Variants in LIMCH1 observed in about 807,000 individuals in gnomAD.
LIMCH1 encodes LIM and calponin homology domains-containing protein 1.
A neutral mutation model predicts 176.5 loss-of-function variants in LIMCH1; 113 were observed. The observed-to-expected ratio is 0.64, with a 90% CI of 0.55 to 0.75. LIMCH1 has a LOEUF of 0.75. LIMCH1 is among the 30% of genes least tolerant of loss of function. LIMCH1 has a pLI of 0.00. For missense variants in LIMCH1, 1,674 were observed against 1,814.9 expected (o/e 0.92, Z 1.41); for synonymous variants, 619 against 645.9 (o/e 0.96, Z 0.63).
At chr4:41,685,486 C>A (rs999209775) in intron 27 of LIMCH1, among the ~76,000 whole-genome samples, 1 of 152,154 alleles carries the variant, frequency 6.6e-6, no homozygotes. Flanking sequence ...TTTATGACAT[C>A]AGAAATCAGC....
chr4:41,568,060 G>A (rs1435475195), intron 1 of LIMCH1, among the ~76,000 whole-genome samples: 5 of 152,292 alleles, frequency 3.3e-5, no homozygotes, highest in African/African-American at 1.2e-4. Context: ...GCCTGAGGCA[G>A]GAGAATCTCT....
chr4:41,682,678 CTT>C (rs397975995), intron 26 of LIMCH1, among the ~76,000 whole-genome samples: 36 of 138,968 alleles, frequency 2.6e-4, no homozygotes, highest in Admixed American at 2.9e-4. Flanking sequence ...TCTTCTTCTT[CTT>C]TTTTTTTTTT....
chr4:41,555,166 G>A (rs1384624382), intron 1 of LIMCH1, among the ~76,000 whole-genome samples: 1 of 152,188 alleles, frequency 6.6e-6, no homozygotes, highest in Non-Finnish European at 1.5e-5. Flanking sequence ...CAAAAAGCAG[G>A]TTTCTGTTGA....
In LIMCH1 at chr4:41,612,333, A is replaced by G. The variant is rs920508497; in HGVS notation, c.10-1133A>G. On this transcript the variant is annotated intron_variant, in intron 4 of 31. Coordinates refer to ENST00000503057, the MANE Select transcript of LIMCH1 (RefSeq NM_001330672.2). ...CCAGTTTCCAAAACTGCTAACATGA[A>G]GAATATTTATTTTTCCTTTCTATTG... The G allele has an allele frequency of 5.5e-6, 3 of 549,438 alleles. No individual in the cohort carries two copies. In the African/African-American group the frequency reaches 5.7e-5, roughly 10 times the overall value. 34.0% of individuals were successfully genotyped at this position (549,438 alleles called of 1,614,324 possible).
chr4:41,629,403 G>C, intron 8 of LIMCH1, 89 bp from the exon 9 acceptor site: 1 of 1,433,294 alleles, frequency 7.0e-7, no homozygotes. Context: ...CTCAGCCTGT[G>C]AGTTTCCATG....
intron 1 of LIMCH1, among the ~76,000 whole-genome samples, chr4:41,579,438 G>A (rs980364810): frequency 2.6e-5 from 4 of 152,158 alleles, no homozygotes; most frequent in African/African-American, 4.8e-5. Context: ...ATGAGATGGG[G>A]GAATCATTTG....
chr4:41,536,641 C>A (rs2077978680), upstream of LIMCH1, among the ~76,000 whole-genome samples: 1 of 152,084 alleles, frequency 6.6e-6, no homozygotes, highest in African/African-American at 2.4e-5. Context: ...TCACAAAAAC[C>A]TATATCCCCA....
At chr4:41,576,111 A>AC (rs1256249623) in intron 1 of LIMCH1, among the ~76,000 whole-genome samples, 1 of 152,114 alleles carries the variant, frequency 6.6e-6, no homozygotes, top group Non-Finnish European at 1.5e-5. Flanking sequence ...TTGTTAGTTC[A>AC]CCGTCTGCAT....
At chr4:41,494,731 A>T (rs2071761940) in intron 2 of LIMCH1, 2 of 646,922 alleles carry the variant, frequency 3.1e-6, no homozygotes, top group South Asian at 2.1e-5. Context: ...AACTCAAAAA[A>T]TCCCTGGGCT....
chr4:41,509,270 C>A (rs1204709787), intron 2 of LIMCH1, among the ~76,000 whole-genome samples: 1 of 152,146 alleles, frequency 6.6e-6, no homozygotes, highest in African/African-American at 2.4e-5. Flanking sequence ...CTCAGAGCAA[C>A]CCCAGTGAAC....
At chr4:41,494,262 C>T (rs909894186) in intron 1 of LIMCH1, among the ~76,000 whole-genome samples, 19 of 149,732 alleles carry the variant, frequency 1.3e-4, no homozygotes, top group African/African-American at 4.7e-4. Context: ...GGAATGCCAC[C>T]CGTTTTTTTC....
Position 41,613,515 on chromosome 4 carries a change from A to G in LIMCH1, c.59A>G (p.Tyr20Cys). ...AAACGCAGTATCCGAGACAGTGGCT[A>G]CATCGACTGCTGGGATTCCGAGCGC... ...SPKRSIRDSG[Y>C]IDCWDSERSD... is the part of the protein sequence containing the mutation. The change falls in exon 5 of 32, where the codon TAC becomes TGC. Residue 20 changes from tyrosine to cysteine, a missense_variant. By Grantham distance (194) the Tyr-to-Cys change is radical. Coordinates refer to ENST00000503057, the MANE Select transcript of LIMCH1 (RefSeq NM_001330672.2). The G allele has an allele frequency of 6.2e-7, 1 of 1,614,120 alleles. No individual in the cohort carries two copies. Among genetic ancestry groups the G allele is most frequent in the Non-Finnish European group, 8.5e-7 (1 of 1,180,012 alleles).
At chr4:41,492,943 A>T (rs2071359889) in intron 1 of LIMCH1, among the ~76,000 whole-genome samples, 1 of 152,132 alleles carries the variant, frequency 6.6e-6, no homozygotes, top group African/African-American at 2.4e-5. Context: ...CTGGAAAAAA[A>T]TTATTTCCTA....
chr4:41,686,120 A>T (rs1720557814), intron 28 of LIMCH1, among the ~76,000 whole-genome samples: 1 of 152,216 alleles, frequency 6.6e-6, no homozygotes, highest in Admixed American at 6.5e-5. Context: ...TTTGTAATTC[A>T]TTTGAGTTAA....
chr4:41,633,848 C>A, intron 13 of LIMCH1, 40 bp downstream of exon 13: 1 of 1,523,744 alleles, frequency 6.6e-7, no homozygotes, highest in South Asian at 1.2e-5. Flanking sequence ...TTTGTTTCTC[C>A]AGTCTGAGCT....
chr4:41,425,942 C>CATTT (rs1319892218), intron 1 of LIMCH1, among the ~76,000 whole-genome samples: 2 of 150,358 alleles, frequency 1.3e-5, no homozygotes, highest in Non-Finnish European at 3.0e-5. Flanking sequence ...TTTTAAGGAA[C>CATTT]ATTTATATGC....
rs190284626 is a variant in LIMCH1 at position 41,564,802 on chromosome 4, G to T, written c.-241+26452G>T. Among the ~76,000 whole-genome samples the T allele has an allele frequency of 2.0e-5, 3 of 152,128 alleles. No homozygotes were observed. The East Asian group carries it at 5.8e-4, about 29-fold the overall frequency. Reference sequence around the variant, plus strand: ...AGGATCAGGTGGAGATAATTGAATCGTGGAGGAGGTTTTCCCTGTGTTGTT... The same window carrying T: ...AGGATCAGGTGGAGATAATTGAATCTTGGAGGAGGTTTTCCCTGTGTTGTT... On this transcript the variant is annotated intron_variant, in intron 1 of 31. Transcript: ENST00000503057.
chr4:41,502,049 C>T (rs1286366109), intron 2 of LIMCH1, among the ~76,000 whole-genome samples: 2 of 149,724 alleles, frequency 1.3e-5, no homozygotes, highest in Non-Finnish European at 3.0e-5. Context: ...GATGCTCTCC[C>T]TCCCCCAATG....
Position 41,633,895 on chromosome 4 carries a change from C to T in LIMCH1, c.2090+87C>T, listed in dbSNP as rs1381485220. ...CTTAATGCATTATGGCACCTCAGTG[C>T]CGCTTACCTGCTGTTGCTAGCAGAA... On this transcript the variant is annotated intron_variant, in intron 13 of 31. Transcript: ENST00000503057. 3.0e-6 allele frequency: 4 copies of T among 1,355,140 alleles called. No homozygotes were observed. In the African/African-American group the frequency reaches 5.9e-5, roughly 20 times the overall value. 83.9% of individuals were successfully genotyped at this position (1,355,140 alleles called of 1,614,324 possible).
Sources: allele counts gnomAD v4.1 joint callset (sites outside exome capture counted in the v4.1 genomes callset), GRCh38; gene constraint gnomAD v4.1.1; transcripts MANE v1.5; gene names NCBI Gene and HGNC (gene_info 2026-07-23, HGNC 2026-07-21).